Variants in PKD2L2 observed in about 807,000 individuals in gnomAD.
PKD2L2 encodes the protein polycystin-2-like protein 2.
In PKD2L2, 67 loss-of-function variants were observed where a neutral mutation model predicts 83.9. That is an observed-to-expected ratio of 0.80 (90% CI 0.66 to 0.98). The LOEUF is 0.98. PKD2L2 is among the 50% of genes least tolerant of loss of function. The pLI is 0.00. For missense variants in PKD2L2, 632 were observed against 717.2 expected, an observed-to-expected ratio of 0.88 and a Z score of 1.36; for synonymous variants, 223 against 237.8, an observed-to-expected ratio of 0.94 and a Z score of 0.57.
At chr5:137,924,120 C>T (rs746126753) in intron 10 of PKD2L2, among the ~76,000 whole-genome samples, 2 of 152,148 alleles carry the variant, frequency 1.3e-5, no homozygotes, top group African/African-American at 2.4e-5. Flanking sequence ...ACTTTTCGCC[C>T]AGCCTTCACT....
At chr5:137,890,214 C>G in intron 1 of PKD2L2, 1 of 257,510 alleles carries the variant, frequency 3.9e-6, no homozygotes, top group East Asian at 9.4e-5. Context: ...ACCGGGGAGG[C>G]GGAGGCTGCA....
chr5:137,892,748 C>A, intron 3 of PKD2L2, 135 bp downstream of exon 3: 1 of 717,348 alleles, frequency 1.4e-6, no homozygotes, highest in Non-Finnish European at 2.3e-6. Context: ...CTATTAGAAA[C>A]AACCAACCAG....
At chr5:137,930,757 A>C (rs190541097) in intron 12 of PKD2L2, among the ~76,000 whole-genome samples, 1 of 151,812 alleles carries the variant, frequency 6.6e-6, no homozygotes, top group African/African-American at 2.4e-5. Context: ...TAAAGTAAAA[A>C]AAAAATACTC....
At chr5:137,891,065 G>A (rs1398006771) in intron 2 of PKD2L2, among the ~76,000 whole-genome samples, 1 of 152,138 alleles carries the variant, frequency 6.6e-6, no homozygotes, top group African/African-American at 2.4e-5. Flanking sequence ...AAATAATTAA[G>A]GAGGACTGGG....
intron 12 of PKD2L2, among the ~76,000 whole-genome samples, chr5:137,934,086 TTC>T (rs1401753978): frequency 6.6e-6 from 1 of 152,196 alleles, no homozygotes; most frequent in East Asian, 1.9e-4. Flanking sequence ...CAGAATTTGC[TTC>T]TGAGATATTG....
At chr5:137,915,426 T>G (rs1306035150) in intron 8 of PKD2L2, among the ~76,000 whole-genome samples, 3 of 151,962 alleles carry the variant, frequency 2.0e-5, no homozygotes, top group African/African-American at 7.2e-5. Flanking sequence ...TTTTATTTAT[T>G]TTTATTTTTT....
intron 8 of PKD2L2, among the ~76,000 whole-genome samples, chr5:137,916,972 T>C (rs1341065511): frequency 1.3e-5 from 2 of 152,110 alleles, no homozygotes; most frequent in East Asian, 1.9e-4. Flanking sequence ...GTTCATTCTA[T>C]TGGAGTTCAC....
intron 12 of PKD2L2, among the ~76,000 whole-genome samples, chr5:137,931,557 T>C (rs544434211): frequency 4.6e-5 from 7 of 152,322 alleles, no homozygotes; most frequent in Admixed American, 3.3e-4. Flanking sequence ...ACGTAATTCA[T>C]TGCATTAAAA....
Position 137,892,529 on chromosome 5 carries a change from G to A in PKD2L2, c.183G>A (p.Met61Ile). ...NPHMYYLNKV[M>I]SSLFLDTSVP... ...ATATGTATTACTTAAACAAGGTTAT[G>A]TCATCTCTATTTTTGGACACTTCTG... Residue 61 changes from methionine (M) to isoleucine (I), a missense_variant, in exon 3 of 15, where the codon ATG (methionine) becomes ATA (isoleucine). Physicochemically the swap from Met to Ile is conservative, Grantham distance 10 (BLOSUM62 1). Around this residue, in one of 3 missense-constraint regions of PKD2L2, gnomAD observed 229 missense variants for 281.5 expected, o/e 0.81. Transcript: ENST00000508883. 6.2e-7 allele frequency: 1 copy of A among 1,605,018 alleles called. No individual in the cohort carries two copies. The highest frequency in any genetic ancestry group is 8.5e-7 in the Non-Finnish European group (1 of 1,173,198).
chr5:137,916,239 G>A (rs1352296765), intron 8 of PKD2L2, among the ~76,000 whole-genome samples: 2 of 151,602 alleles, frequency 1.3e-5, no homozygotes, highest in Non-Finnish European at 2.9e-5. Context: ...GCAGTGGCAC[G>A]ATCTCGGCTC....
intron 12 of PKD2L2, among the ~76,000 whole-genome samples, chr5:137,928,598 A>C (rs372950506): frequency 6.6e-6 from 1 of 152,040 alleles, no homozygotes; most frequent in African/African-American, 2.4e-5. Flanking sequence ...CACCCAGCTA[A>C]ATTTTGTGTT....
At position 137,936,316 on chromosome 5, in the gene PKD2L2, C is replaced by G. The variant is rs769561138; in HGVS notation, c.1785-4C>G. 1 of 1,529,356 alleles carries G rather than the reference C, an allele frequency of 6.5e-7. No individual in the cohort carries two copies. The highest frequency in any genetic ancestry group is 1.2e-5 in the South Asian group (1 of 83,878). The allele number at this position is 1,529,356 out of a possible 1,614,324, so 94.7% of individuals were successfully genotyped here. A position where few individuals can be genotyped will look rare whatever the true frequency, so the allele number is the denominator to read the frequency against. On this transcript the variant is annotated splice_region_variant and splice_polypyrimidine_tract_variant and intron_variant, in intron 13 of 14. Transcript: ENST00000508883. ...CATTCTCTACTTCCTTCGAAATTTT[C>G]TAGACTTTTTTTATATGCTGTGGAG... is the stretch of plus-strand genomic sequence containing the variant.
At position 137,923,603 on chromosome 5, in the gene PKD2L2, T is replaced by C. The variant is rs558017809; in HGVS notation, c.1551+82T>C. The C allele has an allele frequency of 4.5e-4, 340 of 763,314 alleles. 2 individuals are homozygous for C. The African/African-American group carries it at 5.0e-3, about 11-fold the overall frequency. The allele number at this position is 763,314 out of a possible 1,614,324, so 47.3% of individuals were successfully genotyped here. ...CTCTTGTAGTTTGAATACCACTTAA[T>C]TCCAAGTGGTCGTGCTCTCCCCACT... On this transcript the variant is annotated intron_variant, in intron 10 of 14. Transcript: ENST00000508883.
intron 12 of PKD2L2, among the ~76,000 whole-genome samples, chr5:137,934,943 C>G (rs1351467730): frequency 6.6e-6 from 1 of 152,172 alleles, no homozygotes; most frequent in Non-Finnish European, 1.5e-5. Flanking sequence ...GATAGTTTCT[C>G]TGACCAGAAG....
At chr5:137,905,371 C>A (rs1757284985) in intron 5 of PKD2L2, among the ~76,000 whole-genome samples, 1 of 152,120 alleles carries the variant, frequency 6.6e-6, no homozygotes, top group Non-Finnish European at 1.5e-5. Context: ...CACTTCAGAT[C>A]ATAATATTGA....
intron 1 of PKD2L2, 42 bp from the exon 2 acceptor site, chr5:137,890,439 T>A (rs780576965): frequency 1.9e-6 from 2 of 1,044,956 alleles, no homozygotes; most frequent in African/African-American, 3.2e-5. Flanking sequence ...ACTTATAAAT[T>A]ACATAATAAT....
chr5:137,918,599 G>A (rs1407961442), intron 8 of PKD2L2, among the ~76,000 whole-genome samples: 2 of 152,186 alleles, frequency 1.3e-5, no homozygotes, highest in East Asian at 1.9e-4. Flanking sequence ...TCACAAACAT[G>A]TGCATGGATC....
At position 137,923,414 on chromosome 5, in the gene PKD2L2, C is replaced by T. The variant is rs954566957; in HGVS notation, c.1450-6C>T. ...TTGAAATAATTATTTGAATACTTAT[C>T]CCTAGAATATGTTCTTGGCAATTAT... On this transcript the variant is annotated splice_polypyrimidine_tract_variant and splice_region_variant and intron_variant, in intron 9 of 14. Transcript: ENST00000508883. 8.3e-7 allele frequency: 1 copy of T among 1,204,164 alleles called. No homozygotes were observed. The allele number at this position is 1,204,164 out of a possible 1,614,324, so 74.6% of individuals were successfully genotyped here.
rs1021732090 is a variant in PKD2L2, at chr5:137,903,428, C to T, written c.747-2778C>T. 4.6e-5 allele frequency among the ~76,000 whole-genome samples: 7 copies of T among 152,342 alleles called. No homozygotes were observed. The East Asian group carries it at 1.4e-3, about 29-fold the overall frequency. On this transcript the variant is annotated intron_variant, in intron 5 of 14. Coordinates refer to ENST00000508883, the MANE Select transcript of PKD2L2 (RefSeq NM_001300921.2). ...CTATAGCTATTTTTGCAATATACCA[C>T]AGGCTCTAACATTTCTGGGATGCTG...
Sources: allele counts gnomAD v4.1 joint callset (sites outside exome capture counted in the v4.1 genomes callset), GRCh38; gene constraint gnomAD v4.1.1; regional missense constraint gnomAD v4.1.1; transcripts MANE v1.5; gene names NCBI Gene and HGNC (gene_info 2026-07-23, HGNC 2026-07-21).